Variants in MTUS2 observed in about 807,000 individuals in gnomAD.
MTUS2 encodes microtubule-associated tumor suppressor candidate 2.
A neutral mutation model predicts 114.1 loss-of-function variants in MTUS2; 40 were observed. The observed-to-expected ratio is 0.35, with a 90% CI of 0.27 to 0.46. The LOEUF is 0.46. MTUS2 is among the 20% of genes least tolerant of loss of function. MTUS2 has a pLI of 1.00. For missense variants in MTUS2, 1,679 were observed against 1,705.4 expected, an observed-to-expected ratio of 0.98 and a Z score of 0.27; for synonymous variants, 688 against 672.0, an observed-to-expected ratio of 1.02 and a Z score of -0.37.
At chr13:29,064,406 T>C in intron 4 of MTUS2, among the ~76,000 whole-genome samples, 1 of 149,692 alleles carries the variant, frequency 6.7e-6, no homozygotes, top group East Asian at 2.0e-4. Flanking sequence ...TTTTTTTTTT[T>C]TTTTTTTTGA....
In MTUS2 at chr13:29,187,233, G is replaced by A. The variant is rs547195080; in HGVS notation, c.2644+86263G>A. On this transcript the variant is annotated intron_variant, in intron 5 of 15. Coordinates refer to ENST00000612955, the MANE Select transcript of MTUS2 (RefSeq NM_001033602.4). ...GTGTAAACAAAATCCAAAGCAAGTA[G>A]AAGGAGGGAAACAAGATTAGAGAGA... Among the ~76,000 whole-genome samples the A allele has an allele frequency of 2.0e-5, 3 of 151,820 alleles. No individual in the cohort carries two copies. In the South Asian group the frequency reaches 6.3e-4, roughly 32 times the overall value.
At chr13:29,069,505 T>C (rs1888814142) in intron 4 of MTUS2, among the ~76,000 whole-genome samples, 1 of 152,192 alleles carries the variant, frequency 6.6e-6, no homozygotes, top group Non-Finnish European at 1.5e-5. Context: ...CCAATTCAAA[T>C]GCTAATATCT....
chr13:28,946,298 T>C (rs990211330), intron 2 of MTUS2, among the ~76,000 whole-genome samples: 16 of 118,828 alleles, frequency 1.3e-4, no homozygotes, highest in Admixed American at 8.9e-5. Flanking sequence ...TGTGTGTGTG[T>C]GTGTGTGCGC....
At chr13:29,161,677 C>G (rs1893103223) in intron 5 of MTUS2, among the ~76,000 whole-genome samples, 1 of 152,206 alleles carries the variant, frequency 6.6e-6, no homozygotes, top group Admixed American at 6.5e-5. Flanking sequence ...CTTTAATTCA[C>G]TTTAATTAGG....
At chr13:28,985,230 A>G (rs1238454267) in intron 2 of MTUS2, among the ~76,000 whole-genome samples, 4 of 152,220 alleles carry the variant, frequency 2.6e-5, no homozygotes, top group Non-Finnish European at 5.9e-5. Flanking sequence ...AGACAGAAAA[A>G]GATTATCCAA....
rs139472340 is a variant in MTUS2 at position 29,046,276 on chromosome 13, C to A, written c.2446+12151C>A. 2.6e-3 allele frequency among the ~76,000 whole-genome samples: 101 copies of A among 39,476 alleles called. 2 individuals carry two copies. The East Asian group carries it at 0.046, about 18-fold the overall frequency. 25.9% of individuals were successfully genotyped at this position (39,476 alleles called of 152,430 possible). ...TATAGGCGTGCACCACCATACCTGG[C>A]TAATTTTGTTTATTTTTTTTGTAGA... On this transcript the variant is annotated intron_variant, in intron 4 of 15. Transcript: ENST00000612955.
At chr13:29,494,661 G>A (rs1882408450) in intron 12 of MTUS2, among the ~76,000 whole-genome samples, 1 of 151,986 alleles carries the variant, frequency 6.6e-6, no homozygotes, top group African/African-American at 2.4e-5. Context: ...TCATAGGCGC[G>A]CAAGCCCCCA....
intron 4 of MTUS2, among the ~76,000 whole-genome samples, chr13:29,087,721 C>T (rs1200039904): frequency 6.6e-6 from 1 of 152,108 alleles, no homozygotes; most frequent in African/African-American, 2.4e-5. Flanking sequence ...TTGTTTTGCT[C>T]TCATTTCTCC....
At chr13:29,337,810 A>T (rs1901157800) in intron 7 of MTUS2, among the ~76,000 whole-genome samples, 3 of 100,924 alleles carry the variant, frequency 3.0e-5, no homozygotes, top group African/African-American at 1.0e-4. Context: ...TTTTTTTGAG[A>T]CAGAGTCTCG....
At chr13:29,095,886 T>C (rs1890158402) in intron 4 of MTUS2, among the ~76,000 whole-genome samples, 1 of 152,092 alleles carries the variant, frequency 6.6e-6, no homozygotes, top group South Asian at 2.1e-4. Context: ...GCTCCTTTAC[T>C]TCTTTAAGCA....
rs536439350 is a variant in MTUS2 at position 29,497,324 on chromosome 13, G to A, written c.3666G>A (p.Glu1222=). ...RFEEALRKNT[E]EQLEIALAPY... ...AAGAGGCCTTGAGGAAGAACACAGA[G>A]GAGCAGCTGGAGGTCGTTTCTGGAT... The change falls in exon 13 of 16, where the codon GAG becomes GAA. Residue 1222 remains glutamate (E), a synonymous_variant. Coordinates refer to ENST00000612955, the MANE Select transcript of MTUS2 (RefSeq NM_001033602.4). 134 of 1,611,236 alleles carry A rather than the reference G, an allele frequency of 8.3e-5. No individual in the cohort carries two copies. The African/African-American group carries it at 1.7e-3, about 20-fold the overall frequency.
chr13:29,085,580 C>T (rs1889654655), intron 4 of MTUS2, among the ~76,000 whole-genome samples: 2 of 152,170 alleles, frequency 1.3e-5, no homozygotes, highest in East Asian at 1.9e-4. Context: ...GGGTAATGGC[C>T]TCCAGCTCCA....
chr13:29,246,258 G>A (rs930671274), intron 5 of MTUS2, among the ~76,000 whole-genome samples: 2 of 152,152 alleles, frequency 1.3e-5, no homozygotes, highest in African/African-American at 4.8e-5. Context: ...GATTTAAAAG[G>A]GACAGCAGGC....
rs565983274 is a variant in MTUS2 at position 29,359,135 on chromosome 13, A to C, written c.2906-127A>C. 6 of 923,506 alleles carry C rather than the reference A, an allele frequency of 6.5e-6. No individual in the cohort carries two copies. The African/African-American group carries it at 1.0e-4, about 16-fold the overall frequency. The allele number at this position is 923,506 out of a possible 1,614,324, so 57.2% of individuals were successfully genotyped here. ...ACTGTTTTTTCTTTTCAATCCTTAA[A>C]AATGACAAACCGTGGGCAATTTCTT... On this transcript the variant is annotated intron_variant, in intron 7 of 15. Transcript: ENST00000612955.
chr13:29,214,638 T>G (rs1435723055), intron 5 of MTUS2, among the ~76,000 whole-genome samples: 1 of 152,226 alleles, frequency 6.6e-6, no homozygotes. Context: ...TGCCTGGATA[T>G]GAAATTCTGA....
At chr13:29,232,126 C>T (rs1896347237) in intron 5 of MTUS2, among the ~76,000 whole-genome samples, 1 of 152,116 alleles carries the variant, frequency 6.6e-6, no homozygotes, top group East Asian at 1.9e-4. Flanking sequence ...CTCACTGCAG[C>T]TAGGTATCAT....
intron 8 of MTUS2, among the ~76,000 whole-genome samples, chr13:29,408,658 A>T (rs1268221495): frequency 6.6e-6 from 1 of 152,060 alleles, no homozygotes; most frequent in Non-Finnish European, 1.5e-5. Context: ...AGTTTTTGTT[A>T]TGGGGTGAGG....
intron 1 of MTUS2, among the ~76,000 whole-genome samples, chr13:28,826,549 A>G (rs1008842551): frequency 3.4e-4 from 52 of 152,218 alleles, no homozygotes; most frequent in African/African-American, 1.2e-3. Flanking sequence ...GTGTTTACAC[A>G]CAGTCATTAT....
At position 29,112,512 on chromosome 13, in the gene MTUS2, A is replaced by G. The variant is rs149486906; in HGVS notation, c.2644+11542A>G. Among the ~76,000 whole-genome samples the G allele has an allele frequency of 1.6e-3, 245 of 152,304 alleles. 2 individuals carry two copies. Among genetic ancestry groups the G allele is most frequent in the Admixed American group, 7.3e-3 (112 of 15,286 alleles). Reference sequence around the variant, plus strand: ...AGGTTACAAGGGGGTAAGGAAGGTAAAGGTGGAGAGTGTCTACTACTGTTG... The same window carrying G: ...AGGTTACAAGGGGGTAAGGAAGGTAGAGGTGGAGAGTGTCTACTACTGTTG... On this transcript the variant is annotated intron_variant, in intron 5 of 15. Transcript: ENST00000612955.
Sources: allele counts gnomAD v4.1 joint callset (sites outside exome capture counted in the v4.1 genomes callset), GRCh38; gene constraint gnomAD v4.1.1; transcripts MANE v1.5; gene names NCBI Gene and HGNC (gene_info 2026-07-23, HGNC 2026-07-21).